Variants in MRPL20 observed in about 807,000 individuals in gnomAD.
The protein encoded by MRPL20 is mitochondrial ribosomal protein L20, also known as large ribosomal subunit protein bL20m.
A neutral mutation model predicts 20.0 loss-of-function variants in MRPL20; 21 were observed. That is an observed-to-expected ratio of 1.05 (90% CI 0.74 to 1.51). The LOEUF is 1.51. Among genes scored for constraint, MRPL20 ranks in the 40% most tolerant of loss-of-function variants. The pLI is 0.00. For missense variants in MRPL20, 252 were observed against 185.6 expected (o/e 1.36, Z -2.08); for synonymous variants, 104 against 73.0 (o/e 1.43, Z -2.17).
At chr1:1,403,216 G>A (rs17160975) in intron 3 of MRPL20, among the ~76,000 whole-genome samples, 2 of 151,442 alleles carry the variant, frequency 1.3e-5, no homozygotes, top group African/African-American at 4.9e-5. Context: ...CCTGTGACCT[G>A]TATGCTTTGT....
chr1:1,402,205 G>C lies in MRPL20; in HGVS notation c.328C>G (p.Pro110Ala). 1 of 1,614,074 alleles carries C rather than the reference G, an allele frequency of 6.2e-7. No individual in the cohort carries two copies. Among genetic ancestry groups the C allele is most frequent in the Admixed American group, 1.7e-5 (1 of 60,008 alleles). ...KVLADLAIYEPKTFKSLAALA... is the reference protein window; with the variant it reads ...KVLADLAIYEAKTFKSLAALA... ...GCAGCCAAAGATTTGAAAGTCTTTG[G>C]CTCGTAGATGGCCAGATCCGCTAGG... The change falls in exon 4 of 4, where the codon CCA becomes GCA. Residue 110 changes from proline to alanine, a missense_variant. Physicochemically the swap from Pro to Ala is conservative, Grantham distance 27 (BLOSUM62 -1). Transcript: ENST00000344843.
At chr1:1,405,957 G>A (rs1645380102) in intron 2 of MRPL20, 71 bp from the exon 3 acceptor site, 13 of 1,544,264 alleles carry the variant, frequency 8.4e-6, no homozygotes, top group African/African-American at 2.8e-5. Flanking sequence ...GCCTCTAATT[G>A]ATCTAAAGAA....
intron 3 of MRPL20, among the ~76,000 whole-genome samples, chr1:1,403,368 C>A (rs997842923): frequency 2.0e-5 from 3 of 151,812 alleles, no homozygotes; most frequent in African/African-American, 7.3e-5. Context: ...CTCAGCCTCA[C>A]AAGTAGCTGG....
chr1:1,406,597 G>C (rs1557751634), intron 2 of MRPL20: 2 of 401,792 alleles, frequency 5.0e-6, no homozygotes, highest in Non-Finnish European at 9.4e-6. Flanking sequence ...AAAGGGAAGG[G>C]AAGCCACCGG....
At position 1,403,426 on chromosome 1, in the gene MRPL20, T is replaced by C. The variant is rs534597956; in HGVS notation, c.277-1170A>G. ...ACCTGGCTACTTTTTGTATTTTTAG[T>C]AGAGATGGTGTTTCACCATGTTAGC... On this transcript the variant is annotated intron_variant, in intron 3 of 3. Transcript: ENST00000344843. Among the ~76,000 whole-genome samples the C allele has an allele frequency of 2.6e-5, 4 of 151,930 alleles. No individual in the cohort carries two copies. The East Asian group carries it at 7.9e-4, about 30-fold the overall frequency.
intron 3 of MRPL20, chr1:1,402,668 G>A (rs1570063342): frequency 3.1e-6 from 3 of 965,360 alleles, no homozygotes; most frequent in East Asian, 1.1e-4. Flanking sequence ...TAGAAAAGGG[G>A]GGCCGTCTCT....
At chr1:1,404,485 A>C (rs1296865876) in intron 3 of MRPL20, among the ~76,000 whole-genome samples, 1 of 151,580 alleles carries the variant, frequency 6.6e-6, no homozygotes, top group Non-Finnish European at 1.5e-5. Context: ...CTTTGAAGTT[A>C]AAGTCAAGTT....
intron 2 of MRPL20, 41 bp downstream of exon 2, chr1:1,406,868 G>C: frequency 6.4e-7 from 1 of 1,552,760 alleles, no homozygotes. Flanking sequence ...CGCAGGGGCC[G>C]CGAGTGCGCT....
rs779478327 is a variant in MRPL20 at position 1,405,867 on chromosome 1, G to A, written c.218C>T (p.Thr73Ile). 1.2e-6 allele frequency: 2 copies of A among 1,613,534 alleles called. No homozygotes were observed. Among genetic ancestry groups the A allele is most frequent in the South Asian group, 2.2e-5 (2 of 91,068 alleles). Reference protein sequence around the residue: ...NMRTLWINRITAASQEHGLKY... With the variant: ...NMRTLWINRIIAASQEHGLKY... Reference sequence around the variant, plus strand: ...CAGTCCATGTTCCTGGCTAGCAGCTGTAATTCGATTAATCCAGAGCTGAAA... The same window carrying A: ...CAGTCCATGTTCCTGGCTAGCAGCTATAATTCGATTAATCCAGAGCTGAAA... Residue 73 changes from threonine (T) to isoleucine (I), a missense_variant, in exon 3 of 4, where the codon ACA (threonine) becomes ATA (isoleucine). Physicochemically the swap from Thr to Ile is moderately conservative, Grantham distance 89. Coordinates refer to ENST00000344843, the MANE Select transcript of MRPL20 (RefSeq NM_017971.4).
chr1:1,405,795 A>G lies in MRPL20; in HGVS notation c.276+14T>C. On this transcript the variant is annotated intron_variant, in intron 3 of 3. Coordinates refer to ENST00000344843, the MANE Select transcript of MRPL20 (RefSeq NM_017971.4). ...TGTCCAGAATTTCAGTGGGACCCAC[A>G]TACTCACCCATACCTTAACTAAATT... 1.2e-6 allele frequency: 2 copies of G among 1,614,150 alleles called. No homozygotes were observed. Among genetic ancestry groups the G allele is most frequent in the Non-Finnish European group, 1.7e-6 (2 of 1,180,034 alleles).
intron 2 of MRPL20, chr1:1,406,198 A>C (rs1445559698): frequency 3.2e-5 from 9 of 278,560 alleles, no homozygotes; most frequent in Non-Finnish European, 6.9e-6. Context: ...TCTACTAAAA[A>C]TACAAAAAAT....
In MRPL20 at chr1:1,404,279, G is replaced by A. The variant is rs562050848; in HGVS notation, c.276+1530C>T. On this transcript the variant is annotated intron_variant, in intron 3 of 3. Transcript: ENST00000344843. Reference sequence around the variant, plus strand: ...CGCCATTCTCCTGCCTCAGCCTCCCGAGTAGCTGGGACTACAGATGCCCGC... The same window carrying A: ...CGCCATTCTCCTGCCTCAGCCTCCCAAGTAGCTGGGACTACAGATGCCCGC... Among the ~76,000 whole-genome samples the A allele has an allele frequency of 1.9e-4, 29 of 150,564 alleles. 1 individual carries two copies. The South Asian group carries it at 4.2e-3, about 22-fold the overall frequency.
rs939207365 is a variant in MRPL20, at chr1:1,406,920, T to C, written c.187A>G (p.Asn63Asp). The change falls in exon 2 of 4, where the codon AAC (asparagine) becomes GAC (aspartate). Residue 63 changes from asparagine (N) to aspartate (D), a missense_variant. Transcript: ENST00000344843. The stretch of plus-strand genomic sequence containing the variant: ...GGGTCCACGCTTACGGTCCTCATGT[T>C]CTTTTTCTTCAGGTATCGGGCTTTG... ...CTKARYLKKKNMRTLWINRIT... is the reference protein window; with the variant it reads ...CTKARYLKKKDMRTLWINRIT... The C allele has an allele frequency of 2.5e-6, 4 of 1,613,128 alleles. No individual in the cohort carries two copies. In the African/African-American group the frequency reaches 5.3e-5, roughly 22 times the overall value.
intron 3 of MRPL20, chr1:1,405,364 C>G (rs1034978339): frequency 1.2e-5 from 6 of 487,168 alleles, no homozygotes; most frequent in Non-Finnish European, 1.8e-5. Flanking sequence ...GCTTCAAACT[C>G]CTGGGGGCTC....
intron 2 of MRPL20, chr1:1,406,653 G>A (rs989144353): frequency 2.3e-5 from 12 of 528,324 alleles, no homozygotes; most frequent in South Asian, 8.1e-5. Context: ...GCGACGCAGG[G>A]AGAGTGTCAA....
chr1:1,405,708 G>T, intron 3 of MRPL20, 101 bp downstream of exon 3: 1 of 1,597,416 alleles, frequency 6.3e-7, no homozygotes, highest in African/African-American at 1.3e-5. Context: ...TCTGGCCTCA[G>T]CCTCCTGATT....
In MRPL20 at chr1:1,407,260, G is replaced by A. The variant is rs1271415883; in HGVS notation, c.-43C>T. The A allele has an allele frequency of 6.6e-6, 10 of 1,506,268 alleles. No individual in the cohort carries two copies. The East Asian group carries it at 1.5e-4, about 22-fold the overall frequency. 93.3% of individuals were successfully genotyped at this position (1,506,268 alleles called of 1,614,324 possible). A position where few individuals can be genotyped will look rare whatever the true frequency, so the allele number is the denominator to read the frequency against. On this transcript the variant is annotated 5_prime_UTR_variant, in exon 1 of 4. Coordinates refer to ENST00000344843, the MANE Select transcript of MRPL20 (RefSeq NM_017971.4). ...GTCCCGAACACTCAACAACGCACGC[G>A]CAGCGCCGCTGCCATCTTGCCCGGG...
At chr1:1,406,564 G>A (rs1044908795) in intron 2 of MRPL20, 1 of 354,358 alleles carries the variant, frequency 2.8e-6, no homozygotes, top group Non-Finnish European at 5.4e-6. Context: ...GGTTGGCAAG[G>A]GGCTGGGTTG....
chr1:1,402,121 G>A lies in MRPL20; in HGVS notation c.412C>T (p.Pro138Ser). ...FAAALGDGKE[P>S]EGIFSRVVQY... Reference sequence around the variant, plus strand: ...ACCACTCTGGAAAAAATGCCTTCAGGTTCCTTCCCATCCCCCAAGGCAGCA... The same window carrying A: ...ACCACTCTGGAAAAAATGCCTTCAGATTCCTTCCCATCCCCCAAGGCAGCA... The change falls in exon 4 of 4, where the codon CCT becomes TCT. Residue 138 changes from proline to serine, a missense_variant. Coordinates refer to ENST00000344843, the MANE Select transcript of MRPL20 (RefSeq NM_017971.4). The A allele has an allele frequency of 6.2e-7, 1 of 1,614,060 alleles. No individual in the cohort carries two copies. Among genetic ancestry groups the A allele is most frequent in the Non-Finnish European group, 8.5e-7 (1 of 1,180,004 alleles).
Sources: gnomAD v4.1 joint callset for allele counts (sites outside exome capture counted in the v4.1 genomes callset) on GRCh38, gnomAD v4.1.1 for gene constraint, MANE v1.5 for transcripts, NCBI Gene and HGNC (gene_info 2026-07-23, HGNC 2026-07-21) for gene names.